DOCK8: variants seen among roughly 807,000 people sequenced by gnomAD.
DOCK8 encodes dedicator of cytokinesis 8.
Under a neutral mutation model 245.6 loss-of-function variants are expected in DOCK8, and 141 were observed. That is an observed-to-expected ratio of 0.57 (90% confidence interval 0.50 to 0.66). The LOEUF is 0.66. DOCK8 is among the 30% of genes least tolerant of loss of function. The pLI, the probability that DOCK8 is intolerant of heterozygous loss-of-function variation, is 0.00. For synonymous variants in DOCK8, 1,168 were observed against 970.2 expected (o/e 1.20, Z -3.79); for missense variants, 2,965 against 2,603.4 (o/e 1.14, Z -3.02).
At chr9:334,104 T>G in intron 10 of DOCK8, 121 bp from the exon 11 acceptor site, 1 of 1,082,544 alleles carries the variant, frequency 9.2e-7, no homozygotes, top group Non-Finnish European at 1.4e-6. Flanking sequence ...TGGGAAGATA[T>G]GTTTTTACTC....
chr9:263,881 C>T (rs962951590), intron 1 of DOCK8, among the ~76,000 whole-genome samples: 2 of 152,146 alleles, frequency 1.3e-5, no homozygotes, highest in African/African-American at 4.8e-5. Context: ...AAAGATTTTT[C>T]TCTTTGACTT....
intron 1 of DOCK8, among the ~76,000 whole-genome samples, chr9:225,293 A>T (rs2046967459): frequency 6.6e-6 from 1 of 152,152 alleles, no homozygotes; most frequent in Non-Finnish European, 1.5e-5. Flanking sequence ...TGGCTACAGA[A>T]GGGCAACACC....
At chr9:410,463 C>T (rs1210075536) in intron 28 of DOCK8, among the ~76,000 whole-genome samples, 1 of 152,146 alleles carries the variant, frequency 6.6e-6, no homozygotes, top group East Asian at 1.9e-4. Context: ...GACATTTGGG[C>T]TGCTTTCTAT....
At chr9:257,286 T>C (rs975862849) in intron 1 of DOCK8, among the ~76,000 whole-genome samples, 2 of 152,222 alleles carry the variant, frequency 1.3e-5, no homozygotes, top group African/African-American at 2.4e-5. Context: ...TATCATTAAA[T>C]GGATGTCTGT....
intron 1 of DOCK8, among the ~76,000 whole-genome samples, chr9:219,139 A>G (rs989793413): frequency 6.6e-6 from 1 of 152,240 alleles, no homozygotes; most frequent in Non-Finnish European, 1.5e-5. Flanking sequence ...ATATTGTGCT[A>G]AGAACTTTAT....
At chr9:280,333 T>C (rs1233313466) in intron 2 of DOCK8, among the ~76,000 whole-genome samples, 1 of 152,228 alleles carries the variant, frequency 6.6e-6, no homozygotes, top group East Asian at 1.9e-4. Flanking sequence ...TTTAGCCTAG[T>C]GTCTGTAGGA....
Position 414,949 on chromosome 9 carries a change from C to T in DOCK8, c.3698C>T (p.Thr1233Ile). The T allele has an allele frequency of 6.2e-7, 1 of 1,613,308 alleles. No homozygotes were observed. The highest frequency in any genetic ancestry group is 2.2e-5 in the East Asian group (1 of 44,884). Reference sequence around the variant, plus strand: ...GCTTTGCCACAGCTCTGTGACTTTACAGGTAATGGCCCTTCTGTTTTCTTT... The same window carrying T: ...GCTTTGCCACAGCTCTGTGACTTTATAGGTAATGGCCCTTCTGTTTTCTTT... Reference protein sequence around the residue: ...LDALPQLCDFTVADTRRYRTS... With the variant: ...LDALPQLCDFIVADTRRYRTS... Residue 1233 changes from threonine (T) to isoleucine (I), a missense_variant and splice_region_variant, in exon 29 of 48, where the codon ACA (threonine) becomes ATA (isoleucine). Physicochemically the swap from Thr to Ile is moderately conservative, Grantham distance 89. Around this residue, in one of 3 missense-constraint regions of DOCK8, gnomAD observed 2,825 missense variants for 2,453.5 expected, o/e 1.15. Coordinates refer to ENST00000432829, the MANE Select transcript of DOCK8 (RefSeq NM_203447.4).
chr9:421,430 G>A (rs889259801), intron 32 of DOCK8, among the ~76,000 whole-genome samples: 10 of 152,120 alleles, frequency 6.6e-5, no homozygotes, highest in Non-Finnish European at 1.0e-4. Context: ...TAGTCTATCC[G>A]GAGCATGGTC....
chr9:324,443 T>C (rs1422747823), intron 7 of DOCK8, among the ~76,000 whole-genome samples: 3 of 152,144 alleles, frequency 2.0e-5, no homozygotes, highest in Admixed American at 6.5e-5. Flanking sequence ...GCTGAGAAAC[T>C]TGGAAGACCT....
At chr9:295,642 G>A (rs941642121) in intron 4 of DOCK8, among the ~76,000 whole-genome samples, 11 of 152,170 alleles carry the variant, frequency 7.2e-5, no homozygotes, top group Non-Finnish European at 1.3e-4. Context: ...ACATGCCTTT[G>A]TTATCCAGAA....
At chr9:241,180 G>A (rs1006418972) in intron 1 of DOCK8, among the ~76,000 whole-genome samples, 3 of 152,046 alleles carry the variant, frequency 2.0e-5, no homozygotes, top group African/African-American at 4.8e-5. Flanking sequence ...GATCAGATCA[G>A]GACAATTAGC....
At chr9:267,814 G>A (rs57560093) in intron 1 of DOCK8, among the ~76,000 whole-genome samples, 4,986 of 152,096 alleles carry the variant, frequency 0.033, 251 homozygotes, top group African/African-American at 0.11. Context: ...GGGATGCTTT[G>A]GTTATTTCTA....
intron 1 of DOCK8, among the ~76,000 whole-genome samples, chr9:259,688 G>A (rs1235683214): frequency 1.3e-5 from 2 of 152,206 alleles, no homozygotes; most frequent in African/African-American, 2.4e-5. Context: ...CACAAAAAAT[G>A]AGTCGACCTT....
Position 451,969 on chromosome 9 carries a change from ATATATATATTTTTTTTTTTTTTTT to A in DOCK8, c.5962-40_5962-17del, listed in dbSNP as rs2057468733. Reference sequence around the variant, plus strand: ...TGTGTGTGTGTGTATATATATATATATATATATATTTTTTTTTTTTTTTTTTTTTTTTTCCCACCAGGGACCACT... The same window carrying A: ...TGTGTGTGTGTGTATATATATATATATTTTTTTTTCCCACCAGGGACCACT... On this transcript the variant is annotated intron_variant, in intron 45 of 47. Transcript: ENST00000432829. 3 of 397,094 alleles carry A rather than the reference ATATATATATTTTTTTTTTTTTTTT, an allele frequency of 7.6e-6. No homozygotes were observed. The highest frequency in any genetic ancestry group is 5.0e-5 in the Admixed American group (1 of 20,152). The allele number at this position is 397,094 out of a possible 1,614,324, so 24.6% of individuals were successfully genotyped here. A position where few individuals can be genotyped will look rare whatever the true frequency, so the allele number is the denominator to read the frequency against.
intron 1 of DOCK8, among the ~76,000 whole-genome samples, chr9:234,596 C>G (rs934100509): frequency 2.6e-5 from 4 of 152,108 alleles, no homozygotes; most frequent in African/African-American, 9.7e-5. Context: ...TTGTTTGTTG[C>G]TTTTTATTCT....
chr9:432,917 C>T (rs1379225136), intron 37 of DOCK8, among the ~76,000 whole-genome samples: 1 of 152,142 alleles, frequency 6.6e-6, no homozygotes, highest in African/African-American at 2.4e-5. Context: ...TTACGATGAC[C>T]GTGGAACTCT....
chr9:322,693 A>G (rs981349152), intron 7 of DOCK8, among the ~76,000 whole-genome samples: 1 of 152,312 alleles, frequency 6.6e-6, no homozygotes, highest in South Asian at 2.1e-4. Flanking sequence ...CTCAGTACCA[A>G]CCTAAGTATA....
chr9:281,670 C>T (rs1313787823), intron 2 of DOCK8, among the ~76,000 whole-genome samples: 1 of 144,764 alleles, frequency 6.9e-6, no homozygotes, highest in East Asian at 1.9e-4. Flanking sequence ...TGTGTGTTGA[C>T]TGCCTCATAG....
rs140740975 is a variant in DOCK8 at position 418,163 on chromosome 9, A to G, written c.3796A>G (p.Asn1266Asp). The G allele has an allele frequency of 6.2e-7, 1 of 1,614,238 alleles. No homozygotes were observed. The highest frequency in any genetic ancestry group is 8.5e-7 in the Non-Finnish European group (1 of 1,180,032). ...GAATGTGGCTCTGGCCATAGCAGGG[A>G]ATAATTTCAATTTGAAAACAAGTGG... ...NQNVALAIAG[N>D]NFNLKTSGIV... The change falls in exon 30 of 48, where the codon AAT becomes GAT. Residue 1266 changes from asparagine (N) to aspartate (D), a missense_variant. Asn to Asp is a conservative substitution (Grantham distance 23). Transcript: ENST00000432829.
Sources: allele counts gnomAD v4.1 joint callset (sites outside exome capture counted in the v4.1 genomes callset), GRCh38; gene constraint gnomAD v4.1.1; regional missense constraint gnomAD v4.1.1; transcripts MANE v1.5; gene names NCBI Gene and HGNC (gene_info 2026-07-23, HGNC 2026-07-21).